Variants in RNLS observed in about 807,000 individuals in gnomAD.
The protein encoded by RNLS is renalase.
A neutral mutation model predicts 39.8 loss-of-function variants in RNLS; 39 were observed. The observed-to-expected ratio is 0.98, with a 90% confidence interval of 0.76 to 1.28. RNLS has a LOEUF of 1.28. Among genes scored for constraint, RNLS ranks in the 50% most tolerant of loss-of-function variants. The pLI is 0.00. For synonymous variants in RNLS, 147 were observed against 150.7 expected (o/e 0.98, Z 0.18); for missense variants, 410 against 413.3 (o/e 0.99, Z 0.07).
At chr10:88,440,675 C>A (rs755216685) in intron 4 of RNLS, among the ~76,000 whole-genome samples, 7 of 152,218 alleles carry the variant, frequency 4.6e-5, no homozygotes, top group Non-Finnish European at 1.0e-4. Context: ...GGACTACACA[C>A]TTCCTTAGTC....
the RNLS span, among the ~76,000 whole-genome samples, chr10:88,193,959 A>G: frequency 6.6e-6 from 1 of 151,792 alleles, no homozygotes; most frequent in African/African-American, 2.4e-5. Context: ...GGTCATCACT[A>G]CTCCTCTTGG....
Position 88,441,671 on chromosome 10 carries a change from T to C in RNLS, c.527-78946A>G, listed in dbSNP as rs75549247. ...CATAGCAGTGAGGGCTGCCTTTCTA[T>C]GGTATGTGAAGTAATTCAAGGGGTA... On this transcript the variant is annotated intron_variant, in intron 4 of 6. Transcript: ENST00000331772. Among the ~76,000 whole-genome samples, 793 of 152,318 alleles carry C rather than the reference T, an allele frequency of 5.2e-3. 9 individuals carry two copies. Among genetic ancestry groups the C allele is most frequent in the African/African-American group, 0.018 (745 of 41,556 alleles).
chr10:88,512,909 C>T (rs977155646), intron 4 of RNLS, among the ~76,000 whole-genome samples: 1 of 152,152 alleles, frequency 6.6e-6, no homozygotes, highest in African/African-American at 2.4e-5. Context: ...TATTAAGCTT[C>T]TCAGAACCTC....
At chr10:88,346,896 G>T (rs182724534) in intron 5 of RNLS, among the ~76,000 whole-genome samples, 1 of 152,166 alleles carries the variant, frequency 6.6e-6, no homozygotes, top group East Asian at 1.9e-4. Flanking sequence ...CAGTCAGAGC[G>T]TATTACTTCT....
chr10:88,562,203 G>C (rs1379186303), intron 4 of RNLS, among the ~76,000 whole-genome samples: 1 of 152,028 alleles, frequency 6.6e-6, no homozygotes, highest in Non-Finnish European at 1.5e-5. Flanking sequence ...ATAGCATTAA[G>C]AGCATCAGTT....
At chr10:88,353,755 C>T (rs533491913) in intron 5 of RNLS, among the ~76,000 whole-genome samples, 2 of 152,226 alleles carry the variant, frequency 1.3e-5, no homozygotes, top group East Asian at 1.9e-4. Context: ...AATTCAATTC[C>T]TGGATATCCT....
rs188289026 is a variant in RNLS at position 88,275,137 on chromosome 10, T to C, written c.877-105A>G. The C allele has an allele frequency of 5.7e-4, 506 of 884,982 alleles. 3 individuals are homozygous for C. The African/African-American group carries it at 7.9e-3, about 14-fold the overall frequency. 54.8% of individuals were successfully genotyped at this position (884,982 alleles called of 1,614,324 possible). ...GTTCTTTGCTTTCACGGAACATATA[T>C]AGACCTGGAATGGGGAGGGTTCTGG... is the stretch of plus-strand genomic sequence containing the variant. On this transcript the variant is annotated intron_variant, in intron 6 of 6. Transcript: ENST00000371947.
chr10:88,350,269 AT>A (rs1406754031), intron 5 of RNLS, among the ~76,000 whole-genome samples: 1 of 151,460 alleles, frequency 6.6e-6, no homozygotes, highest in Non-Finnish European at 1.5e-5. Flanking sequence ...TCTAGGGTAC[AT>A]GTGCACAACG....
chr10:88,570,878 T>C (rs1255283929), intron 4 of RNLS, among the ~76,000 whole-genome samples: 7 of 152,148 alleles, frequency 4.6e-5, no homozygotes, highest in Admixed American at 1.3e-4. Context: ...GGAGATCCCC[T>C]GTATAGCCTA....
chr10:88,469,634 C>T (rs190243640), intron 4 of RNLS, among the ~76,000 whole-genome samples: 1 of 152,248 alleles, frequency 6.6e-6, no homozygotes, highest in East Asian at 1.9e-4. Context: ...GGAGAGGACG[C>T]AGTATACAGT....
At chr10:88,508,584 TG>T (rs1845923338) in intron 4 of RNLS, among the ~76,000 whole-genome samples, 1 of 152,166 alleles carries the variant, frequency 6.6e-6, no homozygotes, top group Admixed American at 6.6e-5. Flanking sequence ...GTAATGATGG[TG>T]GCAGTGGCTG....
At chr10:88,280,580 G>A (rs1842975850), downstream of RNLS, among the ~76,000 whole-genome samples, 1 of 152,100 alleles carries the variant, frequency 6.6e-6, no homozygotes, top group South Asian at 2.1e-4. Context: ...GGACTACATA[G>A]TAACTATTTT....
At chr10:88,399,168 T>G (rs1247835078) in intron 4 of RNLS, among the ~76,000 whole-genome samples, 1 of 151,962 alleles carries the variant, frequency 6.6e-6, no homozygotes, top group Admixed American at 6.6e-5. Flanking sequence ...ATTGGAACCC[T>G]CATACATTGC....
chr10:88,312,805 T>C (rs1845479640), intron 6 of RNLS, among the ~76,000 whole-genome samples: 1 of 152,178 alleles, frequency 6.6e-6, no homozygotes. Flanking sequence ...TTTAGGTTCA[T>C]AGCAAAACTG....
chr10:88,419,638 A>G lies in RNLS; in HGVS notation c.527-56913T>C, dbSNP rs79772174. ...CAGTTGCCTTTTGAAAAAAAATTTG[A>G]TTTCTTCATTTACAAATTTTGAAGA... is the stretch of plus-strand genomic sequence containing the variant. On this transcript the variant is annotated intron_variant, in intron 4 of 6. Transcript: ENST00000331772. Among the ~76,000 whole-genome samples the G allele has an allele frequency of 1.6e-3, 240 of 152,316 alleles. 3 individuals carry two copies. Among genetic ancestry groups the G allele is most frequent in the African/African-American group, 5.6e-3 (233 of 41,584 alleles).
downstream of RNLS, among the ~76,000 whole-genome samples, chr10:88,282,670 C>T (rs1225013990): frequency 6.6e-6 from 1 of 151,964 alleles, no homozygotes; most frequent in Non-Finnish European, 1.5e-5. Flanking sequence ...TCCTCCCCGC[C>T]CTCCCCCCAG....
At chr10:88,183,887 C>A in the RNLS span, among the ~76,000 whole-genome samples, 3 of 152,116 alleles carry the variant, frequency 2.0e-5, no homozygotes, top group Non-Finnish European at 4.4e-5. Context: ...GATACTGAGA[C>A]TTTTGCGGAT....
intron 4 of RNLS, among the ~76,000 whole-genome samples, chr10:88,452,046 G>A (rs142586839): frequency 1.1e-3 from 170 of 152,254 alleles, no homozygotes; most frequent in South Asian, 7.0e-3. Flanking sequence ...CAATATCCTC[G>A]TAAGGATTAA....
intron 4 of RNLS, among the ~76,000 whole-genome samples, chr10:88,380,259 C>T (rs187644125): frequency 1.1e-3 from 169 of 151,930 alleles, no homozygotes; most frequent in African/African-American, 3.9e-3. Context: ...CTTTTGTTAC[C>T]TATATTGCAA....
Sources: gnomAD v4.1 joint callset for allele counts (sites outside exome capture counted in the v4.1 genomes callset) on GRCh38, gnomAD v4.1.1 for gene constraint, MANE v1.5 for transcripts, NCBI Gene and HGNC (gene_info 2026-07-23, HGNC 2026-07-21) for gene names.